The following PXDNL variants were observed in gnomAD, a reference collection of about 807,000 sequenced individuals.
PXDNL encodes the protein probable oxidoreductase PXDNL.
PXDNL carries 145 observed loss-of-function variants against 150.8 expected under a neutral mutation model. The observed-to-expected ratio is 0.96, with a 90% confidence interval of 0.84 to 1.10. The LOEUF (loss-of-function observed/expected upper bound fraction) is 1.10. Among genes scored for constraint, PXDNL ranks in the 50% least tolerant of loss-of-function variants. PXDNL has a pLI of 0.00. For missense variants in PXDNL, 2,087 were observed against 1,873.9 expected (o/e 1.11, Z -2.10); for synonymous variants, 757 against 725.7 (o/e 1.04, Z -0.69).
At chr8:51,541,091 C>G (rs1812206909) in intron 4 of PXDNL, among the ~76,000 whole-genome samples, 1 of 151,726 alleles carries the variant, frequency 6.6e-6, no homozygotes, top group Non-Finnish European at 1.5e-5. Flanking sequence ...AATCTCGTCT[C>G]TACTAAAAAT....
At chr8:51,531,530 AGGCCGG>A in intron 4 of PXDNL, among the ~76,000 whole-genome samples, 1 of 152,208 alleles carries the variant, frequency 6.6e-6, no homozygotes, top group South Asian at 2.1e-4. Flanking sequence ...AGATGGGCTC[AGGCCGG>A]TCCCCAGGGA....
At chr8:51,534,762 C>CT (rs1812022182) in intron 4 of PXDNL, among the ~76,000 whole-genome samples, 1 of 115,250 alleles carries the variant, frequency 8.7e-6, no homozygotes, top group Admixed American at 7.8e-5. Flanking sequence ...GTCAGCCCCC[C>CT]GCCCGGCCAG....
intron 17 of PXDNL, among the ~76,000 whole-genome samples, chr8:51,386,175 C>G (rs898637457): frequency 6.6e-6 from 1 of 152,104 alleles, no homozygotes; most frequent in Non-Finnish European, 1.5e-5. Context: ...TCACCACAAC[C>G]TCTGCCTCCC....
At chr8:51,327,244 C>G (rs938896733) in intron 21 of PXDNL, among the ~76,000 whole-genome samples, 3 of 152,174 alleles carry the variant, frequency 2.0e-5, no homozygotes. Flanking sequence ...TAGAGCATAA[C>G]TTAGCAAAAC....
intron 1 of PXDNL, among the ~76,000 whole-genome samples, chr8:51,771,990 C>A (rs1188041796): frequency 6.6e-6 from 1 of 151,888 alleles, no homozygotes; most frequent in African/African-American, 2.4e-5. Context: ...GAGAGTGGGT[C>A]ATGTGAGGAG....
intron 21 of PXDNL, among the ~76,000 whole-genome samples, chr8:51,332,275 G>C (rs1188976276): frequency 2.0e-5 from 3 of 152,168 alleles, no homozygotes; most frequent in South Asian, 4.1e-4. Context: ...ATGGGAAAAG[G>C]GGGTGAGTAC....
At chr8:51,541,863 A>G (rs1384665200) in intron 4 of PXDNL, among the ~76,000 whole-genome samples, 1 of 152,110 alleles carries the variant, frequency 6.6e-6, no homozygotes, top group Non-Finnish European at 1.5e-5. Flanking sequence ...CAGTTCTCCA[A>G]CACTGCCGTT....
At chr8:51,805,441 T>A (rs1585764388) in intron 1 of PXDNL, among the ~76,000 whole-genome samples, 1 of 148,090 alleles carries the variant, frequency 6.8e-6, no homozygotes, top group Admixed American at 6.8e-5. Context: ...ATTTTATGTA[T>A]ATATACAAAA....
chr8:51,327,830 C>T (rs1429949887), intron 21 of PXDNL, among the ~76,000 whole-genome samples: 1 of 152,190 alleles, frequency 6.6e-6, no homozygotes, highest in Non-Finnish European at 1.5e-5. Flanking sequence ...CAATAAATTT[C>T]TTAGAGAGCT....
chr8:51,746,730 T>C (rs1367191163), intron 1 of PXDNL, among the ~76,000 whole-genome samples: 1 of 152,236 alleles, frequency 6.6e-6, no homozygotes, highest in Non-Finnish European at 1.5e-5. Context: ...TTGTTGTTTG[T>C]TAGTTTTTTG....
chr8:51,703,677 C>T (rs2956888), intron 1 of PXDNL, among the ~76,000 whole-genome samples: 5,087 of 152,236 alleles, frequency 0.033, 288 homozygotes, highest in African/African-American at 0.12. Flanking sequence ...CAAGTACTGC[C>T]TAGTCCTGCG....
chr8:51,558,069 A>G (rs1170488774), intron 3 of PXDNL, among the ~76,000 whole-genome samples: 1 of 152,150 alleles, frequency 6.6e-6, no homozygotes, highest in Non-Finnish European at 1.5e-5. Context: ...TTCTAGAACC[A>G]TGTTTCTTCA....
At chr8:51,565,592 G>C (rs1812810573) in intron 3 of PXDNL, among the ~76,000 whole-genome samples, 1 of 151,786 alleles carries the variant, frequency 6.6e-6, no homozygotes, top group Admixed American at 6.6e-5. Context: ...AGGAATGAGA[G>C]TACTGTCAAA....
At chr8:51,491,118 C>G (rs895442834) in intron 5 of PXDNL, among the ~76,000 whole-genome samples, 41 of 152,194 alleles carry the variant, frequency 2.7e-4, no homozygotes, top group African/African-American at 9.4e-4. Context: ...TACTGAGCTG[C>G]ATTCTTCTTG....
intron 5 of PXDNL, among the ~76,000 whole-genome samples, chr8:51,495,112 C>G (rs1811013149): frequency 6.6e-6 from 1 of 151,914 alleles, no homozygotes; most frequent in Admixed American, 6.6e-5. Flanking sequence ...AACTAGAACC[C>G]AGGATTAAGA....
At chr8:51,537,133 T>C (rs1046897148) in intron 4 of PXDNL, among the ~76,000 whole-genome samples, 2 of 152,180 alleles carry the variant, frequency 1.3e-5, no homozygotes, top group Non-Finnish European at 2.9e-5. Flanking sequence ...AAGGTAGAGA[T>C]AATGATTCCT....
chr8:51,605,140 A>C (rs1387358207), intron 2 of PXDNL, among the ~76,000 whole-genome samples: 2 of 152,166 alleles, frequency 1.3e-5, no homozygotes, highest in Admixed American at 6.5e-5. Flanking sequence ...TATAAAATAT[A>C]AATATTATTC....
intron 1 of PXDNL, among the ~76,000 whole-genome samples, chr8:51,745,959 A>G (rs141173633): frequency 1.7e-4 from 26 of 152,210 alleles, no homozygotes; most frequent in African/African-American, 4.8e-4. Flanking sequence ...GGGTTTCACC[A>G]TGTTGACCAG....
chr8:51,506,402 A>T (rs188209974), intron 4 of PXDNL, among the ~76,000 whole-genome samples: 1,701 of 152,058 alleles, frequency 0.011, 34 homozygotes, highest in African/African-American at 0.04. Flanking sequence ...TTAGCTGGGC[A>T]TGGTGGCGCG....
Sources: allele counts gnomAD v4.1 joint callset (sites outside exome capture counted in the v4.1 genomes callset), GRCh38; gene constraint gnomAD v4.1.1; transcripts MANE v1.5; gene names NCBI Gene and HGNC (gene_info 2026-07-23, HGNC 2026-07-21).